ARHGEF3: variants seen among roughly 807,000 people sequenced by gnomAD.
ARHGEF3 encodes the protein Rho guanine nucleotide exchange factor 3.
In ARHGEF3, 28 loss-of-function variants were observed where a neutral mutation model predicts 63.2. That is an observed-to-expected ratio of 0.44 (90% CI 0.33 to 0.61). ARHGEF3 has a LOEUF of 0.61. Among genes scored for constraint, ARHGEF3 ranks in the 20% least tolerant of loss-of-function variants. ARHGEF3 has a pLI of 0.03. For synonymous variants in ARHGEF3, 266 were observed against 254.2 expected, an observed-to-expected ratio of 1.05 and a Z score of -0.44; for missense variants, 533 against 659.3, an observed-to-expected ratio of 0.81 and a Z score of 2.10.
intron 2 of ARHGEF3, among the ~76,000 whole-genome samples, chr3:56,986,999 G>C (rs370198718): frequency 6.6e-6 from 1 of 152,010 alleles, no homozygotes; most frequent in African/African-American, 2.4e-5. Flanking sequence ...ATCACATGAG[G>C]CCAGGAGTTC....
chr3:57,017,028 T>TCACACA (rs1553806952), intron 2 of ARHGEF3, among the ~76,000 whole-genome samples: 2 of 127,414 alleles, frequency 1.6e-5, no homozygotes, highest in Non-Finnish European at 3.3e-5. Flanking sequence ...TCTCTCTCTC[T>TCACACA]CTCTCACACA....
intron 4 of ARHGEF3, among the ~76,000 whole-genome samples, chr3:56,870,813 T>C (rs1578725055): frequency 8.7e-6 from 1 of 114,538 alleles, no homozygotes; most frequent in East Asian, 2.0e-4. Flanking sequence ...CTACCCTATA[T>C]AGAAGAAAAA....
At chr3:56,794,185 A>G (rs2037225483) in intron 1 of ARHGEF3, among the ~76,000 whole-genome samples, 1 of 152,088 alleles carries the variant, frequency 6.6e-6, no homozygotes, top group Admixed American at 6.6e-5. Context: ...TACAGGGATA[A>G]CACATAAGAA....
At chr3:57,053,679 A>G (rs186068160) in intron 1 of ARHGEF3, among the ~76,000 whole-genome samples, 1 of 152,138 alleles carries the variant, frequency 6.6e-6, no homozygotes, top group African/African-American at 2.4e-5. Context: ...GCCTACCCCA[A>G]AGGTAACTGC....
Position 56,905,567 on chromosome 3 carries a change from T to C in ARHGEF3, c.130-23213A>G, listed in dbSNP as rs137959183. 2.9e-3 allele frequency among the ~76,000 whole-genome samples: 443 copies of C among 152,338 alleles called. 1 individual carries two copies. Among genetic ancestry groups the C allele is most frequent in the African/African-American group, 0.01 (432 of 41,572 alleles). The stretch of plus-strand genomic sequence containing the variant: ...AAACCAGCCTACACGCATAAGAGAC[T>C]CTGTAGCATTAATATCCAGAAACAG... On this transcript the variant is annotated intron_variant, in intron 3 of 12. Coordinates refer to the ARHGEF3 transcript ENST00000338458.
rs547364979 is a variant in ARHGEF3, at chr3:57,062,547, C to T, written c.-28+16679G>A. Among the ~76,000 whole-genome samples, 12 of 152,292 alleles carry T rather than the reference C, an allele frequency of 7.9e-5. No homozygotes were observed. The South Asian group carries it at 2.3e-3, about 29-fold the overall frequency. ...CCCAGCACAGATGCTGCATAATCTA[C>T]AATAGCAAAAGATTGGAAGCTGCCC... is the stretch of plus-strand genomic sequence containing the variant. On this transcript the variant is annotated intron_variant, in intron 1 of 12. Transcript: ENST00000338458.
At chr3:56,795,111 T>A (rs1039427715) in intron 1 of ARHGEF3, among the ~76,000 whole-genome samples, 1 of 152,012 alleles carries the variant, frequency 6.6e-6, no homozygotes, top group Non-Finnish European at 1.5e-5. Flanking sequence ...GCAATCCTGC[T>A]GCCTCTGCTT....
intron 4 of ARHGEF3, among the ~76,000 whole-genome samples, chr3:56,826,941 T>C (rs1000763079): frequency 6.6e-6 from 1 of 152,018 alleles, no homozygotes; most frequent in African/African-American, 2.4e-5. Context: ...TATTTTTTAA[T>C]TTTTTTTCAC....
intron 3 of ARHGEF3, among the ~76,000 whole-genome samples, chr3:56,937,156 T>A (rs1265744002): frequency 6.6e-6 from 1 of 152,092 alleles, no homozygotes; most frequent in Non-Finnish European, 1.5e-5. Flanking sequence ...AAAAAATAAA[T>A]CCAGCTAGAT....
At chr3:56,865,123 C>T (rs930913944) in intron 4 of ARHGEF3, among the ~76,000 whole-genome samples, 2 of 152,180 alleles carry the variant, frequency 1.3e-5, no homozygotes, top group African/African-American at 2.4e-5. Flanking sequence ...TCAGACACTC[C>T]TCCACTTCCC....
chr3:56,812,228 C>G (rs771078998), intron 4 of ARHGEF3, among the ~76,000 whole-genome samples: 2 of 152,172 alleles, frequency 1.3e-5, no homozygotes, highest in Non-Finnish European at 2.9e-5. Flanking sequence ...AAATAATATG[C>G]AGAATACTAT....
At chr3:56,795,313 A>G (rs1282354363) in intron 1 of ARHGEF3, among the ~76,000 whole-genome samples, 1 of 152,104 alleles carries the variant, frequency 6.6e-6, no homozygotes, top group Non-Finnish European at 1.5e-5. Flanking sequence ...TCCCACTCTG[A>G]AGTTCTCTGA....
chr3:56,729,355 G>C lies in ARHGEF3; in HGVS notation c.1496C>G (p.Thr499Arg). The C allele has an allele frequency of 6.2e-7, 1 of 1,614,062 alleles. No homozygotes were observed. The highest frequency in any genetic ancestry group is 8.5e-7 in the Non-Finnish European group (1 of 1,180,004). ...SDSESDCSMDTSEVSLDCERM... is the reference protein window; with the variant it reads ...SDSESDCSMDRSEVSLDCERM... ...CTCACAGTCGAGGCTGACCTCACTCGTGTCCATACTACAGTCTGACTCACT... is the reference window on the plus strand; with the variant it reads ...CTCACAGTCGAGGCTGACCTCACTCCTGTCCATACTACAGTCTGACTCACT... Residue 499 changes from threonine (T) to arginine (R), a missense_variant, in exon 10 of 10, where the codon ACG becomes AGG. This residue lies in a region of ARHGEF3 where 115 missense variants were observed against 103.4 expected (regional missense o/e 1.11). Coordinates refer to ENST00000296315, the MANE Select transcript of ARHGEF3 (RefSeq NM_019555.3).
At chr3:56,786,446 T>G (rs924259451) in intron 1 of ARHGEF3, among the ~76,000 whole-genome samples, 1 of 152,184 alleles carries the variant, frequency 6.6e-6, no homozygotes, top group Admixed American at 6.5e-5. Context: ...AATGTTATTC[T>G]TTGGGAGGGG....
At chr3:56,928,530 G>A (rs77446701) in intron 3 of ARHGEF3, among the ~76,000 whole-genome samples, 2,946 of 152,254 alleles carry the variant, frequency 0.019, 88 homozygotes, top group African/African-American at 0.064. Context: ...TGACCATGGG[G>A]GCTGAGTAGG....
intron 4 of ARHGEF3, among the ~76,000 whole-genome samples, chr3:56,851,190 C>T (rs1042776105): frequency 3.9e-5 from 6 of 152,110 alleles, no homozygotes; most frequent in Non-Finnish European, 5.9e-5. Flanking sequence ...CTCCTCCATC[C>T]GTCTCAGCTC....
At chr3:56,771,847 C>T (rs2036022244) in intron 2 of ARHGEF3, among the ~76,000 whole-genome samples, 1 of 152,136 alleles carries the variant, frequency 6.6e-6, no homozygotes, top group Non-Finnish European at 1.5e-5. Context: ...ACTTGAGCCA[C>T]AGCCACTGGG....
chr3:56,868,381 C>CA lies in ARHGEF3; in HGVS notation c.192+13910dup, dbSNP rs1439947382. On this transcript the variant is annotated intron_variant, in intron 4 of 12. Coordinates refer to the ARHGEF3 transcript ENST00000338458. ...TGTTTGTTTTTTTTTTTTTTCGAGA[C>CA]AGAGTCTCGCTCTGTCACCCAGGCT... 2.8e-5 allele frequency among the ~76,000 whole-genome samples: 4 copies of CA among 144,608 alleles called. No homozygotes were observed. The Admixed American group carries it at 2.8e-4, about 10-fold the overall frequency. 94.9% of individuals were successfully genotyped at this position (144,608 alleles called of 152,430 possible).
chr3:56,952,526 T>A (rs1240754069), intron 3 of ARHGEF3, among the ~76,000 whole-genome samples: 1 of 152,220 alleles, frequency 6.6e-6, no homozygotes, highest in Non-Finnish European at 1.5e-5. Context: ...GCTAAATTTA[T>A]AATAATTTGT....
Sources: gnomAD v4.1 joint callset for allele counts (sites outside exome capture counted in the v4.1 genomes callset) on GRCh38, gnomAD v4.1.1 for gene constraint, gnomAD v4.1.1 regional missense constraint, MANE v1.5 for transcripts, NCBI Gene and HGNC (gene_info 2026-07-23, HGNC 2026-07-21) for gene names.